NXPH2: variants seen among roughly 807,000 people sequenced by gnomAD.
NXPH2 encodes neurexophilin 2.
Under a neutral mutation model 19.8 loss-of-function variants are expected in NXPH2, and 5 were observed. The ratio of observed to expected loss-of-function variants is 0.25; its 90% CI spans 0.13 to 0.53. The LOEUF (loss-of-function observed/expected upper bound fraction) is 0.53, where lower values mean the gene tolerates loss of function less well. Ranked by LOEUF, NXPH2 falls within the 20% of genes least tolerant of loss-of-function variation. The probability of loss-of-function intolerance (pLI) is 0.96; values close to 1 mark genes in which losing one functional copy is unlikely to be tolerated. For synonymous variants in NXPH2, 154 were observed against 127.4 expected (o/e 1.21, Z -1.41); for missense variants, 289 against 322.8 (o/e 0.90, Z 0.80).
chr2:138,739,551 CT>C (rs1681611269), intron 1 of NXPH2, among the ~76,000 whole-genome samples: 1 of 152,096 alleles, frequency 6.6e-6, no homozygotes, highest in South Asian at 2.1e-4. Flanking sequence ...TCCTGCATAC[CT>C]GCCACATGGG....
At chr2:138,717,400 C>T (rs1681210600) in intron 1 of NXPH2, among the ~76,000 whole-genome samples, 1 of 151,530 alleles carries the variant, frequency 6.6e-6, no homozygotes, top group South Asian at 2.1e-4. Flanking sequence ...ACAGAAACAT[C>T]TCACAGTTCT....
At position 138,670,843 on chromosome 2, in the gene NXPH2, A is replaced by G. The variant is rs899691330; in HGVS notation, c.*79T>C. ...CTGCCAGAAACAAAAGGGATCCTTTATCATAAAGAGCTGGGCTTGTTTCTT... is the reference window on the plus strand; with the variant it reads ...CTGCCAGAAACAAAAGGGATCCTTTGTCATAAAGAGCTGGGCTTGTTTCTT... On this transcript the variant is annotated 3_prime_UTR_variant, in exon 2 of 2. Coordinates refer to ENST00000272641, the MANE Select transcript of NXPH2 (RefSeq NM_007226.3). The G allele has an allele frequency of 3.5e-6, 5 of 1,448,778 alleles. No individual in the cohort carries two copies. The highest frequency in any genetic ancestry group is 1.4e-5 in the African/African-American group (1 of 70,626). The allele number at this position is 1,448,778 out of a possible 1,614,324, so 89.7% of individuals were successfully genotyped here.
intron 1 of NXPH2, among the ~76,000 whole-genome samples, chr2:138,704,159 A>G (rs1412851618): frequency 2.0e-5 from 3 of 152,226 alleles, no homozygotes; most frequent in African/African-American, 4.8e-5. Flanking sequence ...GCCTTTTCCT[A>G]TGTGCTTTGG....
intron 1 of NXPH2, among the ~76,000 whole-genome samples, chr2:138,734,055 G>A (rs1269749727): frequency 6.6e-6 from 1 of 152,170 alleles, no homozygotes; most frequent in African/African-American, 2.4e-5. Flanking sequence ...GACCTGTCTG[G>A]CCAATATGGT....
chr2:138,749,921 T>C (rs964327299), intron 1 of NXPH2, among the ~76,000 whole-genome samples: 1 of 152,132 alleles, frequency 6.6e-6, no homozygotes, highest in Non-Finnish European at 1.5e-5. Flanking sequence ...TGTTTCATCA[T>C]TTCAAATGAT....
At chr2:138,761,831 C>G (rs1682022500) in intron 1 of NXPH2, among the ~76,000 whole-genome samples, 1 of 152,196 alleles carries the variant, frequency 6.6e-6, no homozygotes. Flanking sequence ...AGGCAGGCAT[C>G]TAAAGCTAAC....
chr2:138,744,134 G>A (rs2105007778), intron 1 of NXPH2, among the ~76,000 whole-genome samples: 1 of 152,072 alleles, frequency 6.6e-6, no homozygotes, highest in South Asian at 2.1e-4. Context: ...TTAGTAGAGG[G>A]GTGATTTGGC....
At chr2:138,714,142 A>T (rs1208567763) in intron 1 of NXPH2, among the ~76,000 whole-genome samples, 1 of 152,100 alleles carries the variant, frequency 6.6e-6, no homozygotes, top group Non-Finnish European at 1.5e-5. Flanking sequence ...AGTTCTCAAA[A>T]TTCATACTAG....
chr2:138,773,528 T>C (rs1204688332), intron 1 of NXPH2, among the ~76,000 whole-genome samples: 3 of 152,152 alleles, frequency 2.0e-5, no homozygotes, highest in African/African-American at 4.8e-5. Context: ...AAATGAGGAA[T>C]GGAATTTGGG....
chr2:138,714,914 T>C (rs1473970806), intron 1 of NXPH2, among the ~76,000 whole-genome samples: 1 of 152,200 alleles, frequency 6.6e-6, no homozygotes, highest in East Asian at 1.9e-4. Flanking sequence ...AATGTACAGA[T>C]GATAATTCAG....
chr2:138,674,415 A>G (rs1680457316), intron 1 of NXPH2, among the ~76,000 whole-genome samples: 1 of 152,094 alleles, frequency 6.6e-6, no homozygotes, highest in Non-Finnish European at 1.5e-5. Flanking sequence ...TGGCCTCCCA[A>G]AATGTCAGGA....
chr2:138,732,193 C>T (rs149487673), intron 1 of NXPH2, among the ~76,000 whole-genome samples: 1 of 152,260 alleles, frequency 6.6e-6, no homozygotes, highest in East Asian at 1.9e-4. Context: ...ATCTCATACA[C>T]AATGTGTCAA....
chr2:138,727,183 T>A (rs4622652), intron 1 of NXPH2, among the ~76,000 whole-genome samples: 1 of 152,146 alleles, frequency 6.6e-6, no homozygotes, highest in East Asian at 1.9e-4. Flanking sequence ...CACTCACCCA[T>A]CAAAGGACAT....
intron 1 of NXPH2, among the ~76,000 whole-genome samples, chr2:138,751,108 ACTG>A (rs56072503): frequency 0.28 from 39,955 of 142,782 alleles, 6,118 homozygotes; most frequent in Non-Finnish European, 0.35. Context: ...CTAGAGACTT[ACTG>A]CTATTTTCTA....
At chr2:138,693,097 T>C (rs1247780606) in intron 1 of NXPH2, among the ~76,000 whole-genome samples, 1 of 152,204 alleles carries the variant, frequency 6.6e-6, no homozygotes, top group Non-Finnish European at 1.5e-5. Context: ...TTTGCTTGAC[T>C]TTTTTCATGG....
At chr2:138,778,503 T>A (rs1433704882) in intron 1 of NXPH2, among the ~76,000 whole-genome samples, 1 of 152,136 alleles carries the variant, frequency 6.6e-6, no homozygotes. Context: ...GGAGAAGAAC[T>A]TTTCCCCGAC....
intron 1 of NXPH2, among the ~76,000 whole-genome samples, chr2:138,677,765 T>G (rs1290594864): frequency 6.6e-6 from 1 of 152,226 alleles, no homozygotes; most frequent in Non-Finnish European, 1.5e-5. Context: ...CTGCAAACAT[T>G]ATATCAGAAG....
chr2:138,706,294 T>C (rs1681007987), intron 1 of NXPH2, among the ~76,000 whole-genome samples: 1 of 152,210 alleles, frequency 6.6e-6, no homozygotes, highest in Non-Finnish European at 1.5e-5. Context: ...AAGTTGGCAG[T>C]GTAAGCAAGA....
chr2:138,728,601 CT>C (rs1573968833), intron 1 of NXPH2, among the ~76,000 whole-genome samples: 1 of 152,116 alleles, frequency 6.6e-6, no homozygotes, highest in East Asian at 1.9e-4. Flanking sequence ...AAAAAGAAGG[CT>C]TTTTACCTGA....
Sources: gnomAD v4.1 joint callset for allele counts (sites outside exome capture counted in the v4.1 genomes callset) on GRCh38, gnomAD v4.1.1 for gene constraint, MANE v1.5 for transcripts, NCBI Gene and HGNC (gene_info 2026-07-23, HGNC 2026-07-21) for gene names.